Variants in KIF4A observed in about 807,000 individuals in gnomAD.
KIF4A encodes the protein chromosome-associated kinesin KIF4A.
In KIF4A, 7 loss-of-function variants were observed where a neutral mutation model predicts 105.9. That is an observed-to-expected ratio of 0.07 (90% CI 0.04 to 0.12). The LOEUF is 0.12. Among genes scored for constraint, KIF4A ranks in the 10% least tolerant of loss-of-function variants. The probability of loss-of-function intolerance (pLI) is 1.00; values close to 1 mark genes in which losing one functional copy is unlikely to be tolerated. For synonymous variants in KIF4A, 281 were observed against 331.3 expected (o/e 0.85, Z 1.65); for missense variants, 558 against 929.2 (o/e 0.60, Z 5.19).
rs188790593 is a variant in KIF4A at position 70,388,747 on chromosome X, C to T, written c.2232+1450C>T. ...CCCATTTTTAAATTGGGTTGTTTAT[C>T]TTTTTCTTATTATTGAATTAAAATT... On this transcript the variant is annotated intron_variant, in intron 20 of 30. Coordinates refer to ENST00000374403, the MANE Select transcript of KIF4A (RefSeq NM_012310.5). Among the ~76,000 whole-genome samples the T allele has an allele frequency of 5.2e-3, 580 of 111,593 alleles. 26 individuals are homozygous for T. In the East Asian group the frequency reaches 0.094, roughly 18 times the overall value.
chrX:70,390,185 T>C (rs774553911), intron 20 of KIF4A, among the ~76,000 whole-genome samples: 1 of 112,096 alleles, frequency 8.9e-6, no homozygotes, highest in African/African-American at 3.2e-5. Flanking sequence ...CAAAGCTTTT[T>C]TGTAGAGTTC....
chrX:70,413,849 T>TAA (rs2086332659), intron 28 of KIF4A, among the ~76,000 whole-genome samples: 1 of 110,686 alleles, frequency 9.0e-6, no homozygotes, highest in Non-Finnish European at 1.9e-5. Context: ...AGCTGAGGCC[T>TAA]AAACAGTGAA....
intron 13 of KIF4A, among the ~76,000 whole-genome samples, chrX:70,351,404 A>G (rs754619051): frequency 8.9e-6 from 1 of 112,232 alleles, no homozygotes; most frequent in South Asian, 3.7e-4. Flanking sequence ...GCAGTATTTG[A>G]CTTTCTGAGT....
At chrX:70,402,814 C>A in intron 23 of KIF4A, 119 bp downstream of exon 23, 1 of 875,234 alleles carries the variant, frequency 1.1e-6, no homozygotes, top group Non-Finnish European at 1.6e-6. Flanking sequence ...CCTAATAACA[C>A]TAACATTAGA....
chrX:70,406,125 C>T (rs2086299233), intron 26 of KIF4A, 134 bp from the exon 27 acceptor site: 1 of 541,667 alleles, frequency 1.8e-6, no homozygotes, highest in African/African-American at 2.4e-5. Context: ...TGGGAGTCAA[C>T]GTACTCTACT....
At chrX:70,304,436 G>A (rs1398338961) in intron 7 of KIF4A, among the ~76,000 whole-genome samples, 8 of 104,538 alleles carry the variant, frequency 7.7e-5, no homozygotes, top group Non-Finnish European at 2.0e-5. Context: ...ATGATTTATA[G>A]TCCTTTGGGT....
rs1308719768 is a variant in KIF4A at position 70,420,754 on chromosome X, T to C, written c.*489T>C. 2.5e-5 allele frequency: 3 copies of C among 121,765 alleles called. No individual in the cohort carries two copies. The highest frequency in any genetic ancestry group is 9.7e-5 in the African/African-American group (3 of 30,821). The allele number at this position is 121,765 out of a possible 1,213,427, so 10.0% of individuals were successfully genotyped here. A position where few individuals can be genotyped will look rare whatever the true frequency, so the allele number is the denominator to read the frequency against. ...AATTATGTTTCAATAGTACTCTTGATTGTCTGCCATGTTGTTGAAGCAAAT... is the reference window on the plus strand; with the variant it reads ...AATTATGTTTCAATAGTACTCTTGACTGTCTGCCATGTTGTTGAAGCAAAT... On this transcript the variant is annotated 3_prime_UTR_variant, in exon 31 of 31. Coordinates refer to ENST00000374403, the MANE Select transcript of KIF4A (RefSeq NM_012310.5).
chrX:70,297,226 T>C (rs1428268422), intron 4 of KIF4A, 38 bp downstream of exon 4: 4 of 1,109,815 alleles, frequency 3.6e-6, no homozygotes, highest in Non-Finnish European at 2.4e-6. Context: ...AATTCGAAAT[T>C]GTCTTTGGGT....
chrX:70,358,954 T>A (rs968434999), intron 15 of KIF4A, among the ~76,000 whole-genome samples: 1 of 112,250 alleles, frequency 8.9e-6, no homozygotes, highest in African/African-American at 3.2e-5. Context: ...TGGTACTGCA[T>A]CCCTGCTATT....
chrX:70,413,629 CA>C (rs59508236), intron 28 of KIF4A, among the ~76,000 whole-genome samples: 1,952 of 75,778 alleles, frequency 0.026, 70 homozygotes, highest in African/African-American at 0.093. Context: ...GACTCCATCT[CA>C]AAAAAAAAAA....
Position 70,302,076 on chromosome X carries a change from A to G in KIF4A, c.683+10A>G. The G allele has an allele frequency of 8.3e-7, 1 of 1,208,159 alleles. No homozygotes were observed. Among genetic ancestry groups the G allele is most frequent in the Non-Finnish European group, 1.1e-6 (1 of 892,715 alleles). ...GAAAGAAAAGTGACAAGTAAGTTAC[A>G]ATTTAAAGAGTCAAGATTTTTAGTA... is the stretch of plus-strand genomic sequence containing the variant. On this transcript the variant is annotated intron_variant, in intron 6 of 30. Coordinates refer to ENST00000374403, the MANE Select transcript of KIF4A (RefSeq NM_012310.5).
chrX:70,325,643 G>A (rs1306048443), intron 7 of KIF4A, among the ~76,000 whole-genome samples: 1 of 109,867 alleles, frequency 9.1e-6, no homozygotes, highest in Non-Finnish European at 1.9e-5. Context: ...ACATAGATAA[G>A]TTCTTTAGTG....
intron 15 of KIF4A, among the ~76,000 whole-genome samples, chrX:70,365,259 G>C (rs1399989246): frequency 9.0e-6 from 1 of 111,392 alleles, no homozygotes; most frequent in Admixed American, 9.6e-5. Flanking sequence ...GATTTCCCTG[G>C]CCAGAACTTC....
chrX:70,341,051 A>G (rs764237714), intron 10 of KIF4A, among the ~76,000 whole-genome samples: 19 of 111,455 alleles, frequency 1.7e-4, no homozygotes, highest in Non-Finnish European at 3.2e-4. Context: ...ACCTATATGT[A>G]TTCCTTCAAG....
At chrX:70,316,538 ATAT>A (rs1186607405) in intron 7 of KIF4A, among the ~76,000 whole-genome samples, 2 of 111,662 alleles carry the variant, frequency 1.8e-5, no homozygotes, top group Non-Finnish European at 3.8e-5. Context: ...TTACATATAC[ATAT>A]TATGCATATA....
chrX:70,394,912 T>C (rs1001173123), intron 20 of KIF4A, among the ~76,000 whole-genome samples: 1 of 112,257 alleles, frequency 8.9e-6, no homozygotes, highest in Non-Finnish European at 1.9e-5. Context: ...TATACCTTCA[T>C]TAAAAGCAGA....
intron 7 of KIF4A, among the ~76,000 whole-genome samples, chrX:70,308,979 G>A (rs2085838615): frequency 8.9e-6 from 1 of 111,985 alleles, no homozygotes; most frequent in Non-Finnish European, 1.9e-5. Context: ...GGATTCCACG[G>A]TATACAGTCT....
At chrX:70,352,274 G>T (rs1224568564) in intron 13 of KIF4A, among the ~76,000 whole-genome samples, 2 of 111,695 alleles carry the variant, frequency 1.8e-5, no homozygotes, top group Non-Finnish European at 3.8e-5. Context: ...CCATAAAATG[G>T]GTTAAACTTT....
Position 70,340,487 on chromosome X carries a change from A to AAT in KIF4A, c.1134-1312_1134-1311insAT, listed in dbSNP as rs2085968281. On this transcript the variant is annotated intron_variant, in intron 10 of 30. Transcript: ENST00000374403. ...AAACTATCGAGTTAAAAGTATCATT[A>AAT]CTTTGAAGCTTGTCAGCTTACATGA... 2.7e-5 allele frequency among the ~76,000 whole-genome samples: 3 copies of AAT among 112,498 alleles called. No homozygotes were observed. In the South Asian group the frequency reaches 1.1e-3, roughly 41 times the overall value.
Sources: gnomAD v4.1 joint callset for allele counts (sites outside exome capture counted in the v4.1 genomes callset) on GRCh38, gnomAD v4.1.1 for gene constraint, MANE v1.5 for transcripts, NCBI Gene and HGNC (gene_info 2026-07-23, HGNC 2026-07-21) for gene names.